Variants in ISOC1 observed in about 807,000 individuals in gnomAD.
The protein encoded by ISOC1 is isochorismatase domain containing 1.
Under a neutral mutation model 30.0 loss-of-function variants are expected in ISOC1, and 33 were observed. The observed-to-expected ratio is 1.10, with a 90% CI of 0.83 to 1.47. ISOC1 has a LOEUF of 1.47. Ranked by LOEUF, ISOC1 falls within the 40% of genes most tolerant of loss-of-function variation. ISOC1 has a pLI of 0.00. For missense variants in ISOC1, 372 were observed against 388.0 expected (o/e 0.96, Z 0.35); for synonymous variants, 178 against 159.8 (o/e 1.11, Z -0.86).
intron 3 of ISOC1, among the ~76,000 whole-genome samples, chr5:129,105,944 AAAC>A (rs1054564045): frequency 1.3e-5 from 2 of 152,208 alleles, no homozygotes; most frequent in African/African-American, 4.8e-5. Context: ...AATTAAGAAA[AAAC>A]CACTAAAACA....
intron 4 of ISOC1, among the ~76,000 whole-genome samples, chr5:129,109,407 A>G (rs186364805): frequency 3.7e-4 from 57 of 152,362 alleles, no homozygotes; most frequent in Admixed American, 2.5e-3. Flanking sequence ...AGTGCATGAC[A>G]TAGTAAATAC....
At position 129,112,920 on chromosome 5, in the gene ISOC1, T is replaced by TA. The variant is rs779589253; in HGVS notation, c.818dup (p.Asp274GlyfsTer13). ...CTGTTCTGCTTCAGCTGGTAGCTGA[T>TA]AAGGACCATCCAAAATTCAAGGAAA... On this transcript the variant is annotated frameshift_variant, in exon 5 of 5. Coordinates refer to ENST00000173527, the MANE Select transcript of ISOC1 (RefSeq NM_016048.2). LOFTEE classifies it high-confidence loss of function. The TA allele has an allele frequency of 6.2e-7, 1 of 1,613,820 alleles. No individual in the cohort carries two copies. Among genetic ancestry groups the TA allele is most frequent in the Non-Finnish European group, 8.5e-7 (1 of 1,179,766 alleles).
At chr5:129,109,040 A>G (rs1753671668) in intron 4 of ISOC1, among the ~76,000 whole-genome samples, 1 of 152,204 alleles carries the variant, frequency 6.6e-6, no homozygotes, top group South Asian at 2.1e-4. Context: ...GACTTTTTTC[A>G]AGGACTTTTC....
Position 129,112,816 on chromosome 5 carries a change from A to G in ISOC1, c.751-39A>G, listed in dbSNP as rs763276825. On this transcript the variant is annotated intron_variant, in intron 4 of 4. Coordinates refer to ENST00000173527, the MANE Select transcript of ISOC1 (RefSeq NM_016048.2). ...CTCTTCTGAAATAGTGTTCATTCTC[A>G]TGCTTATTTCTTGATTTGCCTTTAT... 5.4e-5 allele frequency: 87 copies of G among 1,602,332 alleles called. No homozygotes were observed. The African/African-American group carries it at 1.0e-3, about 19-fold the overall frequency.
intron 4 of ISOC1, among the ~76,000 whole-genome samples, chr5:129,112,447 TG>T (rs1753719477): frequency 6.6e-6 from 1 of 152,148 alleles, no homozygotes; most frequent in Non-Finnish European, 1.5e-5. Flanking sequence ...GAGTAAGACA[TG>T]AAGCACAAAC....
intron 1 of ISOC1, among the ~76,000 whole-genome samples, chr5:129,101,485 ACT>A (rs1753571625): frequency 6.6e-6 from 1 of 151,838 alleles, no homozygotes; most frequent in Admixed American, 6.6e-5. Flanking sequence ...ACAGAGTGAG[ACT>A]CTGTCTCAAA....
At position 129,094,927 on chromosome 5, in the gene ISOC1, T is replaced by G. The variant is rs749862424; in HGVS notation, c.161T>G (p.Phe54Cys). ...GAGYELLIQK[F>C]LSLYGDQIDM... is the part of the protein sequence containing the mutation. ...GGCTACGAGCTGCTCATCCAGAAGT[T>G]CCTCAGCCTGTACGGCGACCAGATC... Residue 54 changes from phenylalanine (F) to cysteine (C), a missense_variant, in exon 1 of 5, where the codon TTC becomes TGC. Physicochemically the swap from Phe to Cys is radical, Grantham distance 205. Transcript: ENST00000173527. The G allele has an allele frequency of 1.2e-6, 2 of 1,612,390 alleles. No homozygotes were observed. Among genetic ancestry groups the G allele is most frequent in the Non-Finnish European group, 1.7e-6 (2 of 1,179,822 alleles).
intron 1 of ISOC1, among the ~76,000 whole-genome samples, 171 bp from the exon 2 acceptor site, chr5:129,104,785 T>C (rs1165334980): frequency 1.3e-5 from 2 of 150,576 alleles, no homozygotes; most frequent in African/African-American, 5.0e-5. Flanking sequence ...GAGAACATCT[T>C]TTTGAGTTTT....
intron 4 of ISOC1, among the ~76,000 whole-genome samples, chr5:129,109,400 G>A (rs555344046): frequency 4.7e-4 from 72 of 152,344 alleles, no homozygotes; most frequent in African/African-American, 1.7e-3. Flanking sequence ...TTAGGACAGT[G>A]CATGACATAG....
chr5:129,105,613 C>T (rs1173534629), intron 3 of ISOC1, among the ~76,000 whole-genome samples: 1 of 151,996 alleles, frequency 6.6e-6, no homozygotes, highest in African/African-American at 2.4e-5. Flanking sequence ...AGTAGTCTCC[C>T]CATATTAAAG....
chr5:129,107,080 G>C lies in ISOC1; in HGVS notation c.750+18G>C. ...CCCTCGAGGTAATTGTCCTGCTTGG[G>C]AATAGATCATTTGTCAAGTTTTCCA... is the stretch of plus-strand genomic sequence containing the variant. On this transcript the variant is annotated intron_variant, in intron 4 of 4. Coordinates refer to ENST00000173527, the MANE Select transcript of ISOC1 (RefSeq NM_016048.2). The C allele has an allele frequency of 6.4e-7, 1 of 1,570,784 alleles. No individual in the cohort carries two copies. Among genetic ancestry groups the C allele is most frequent in the South Asian group, 1.1e-5 (1 of 90,090 alleles).
At chr5:129,110,853 A>G (rs1753697952) in intron 4 of ISOC1, among the ~76,000 whole-genome samples, 1 of 152,210 alleles carries the variant, frequency 6.6e-6, no homozygotes, top group South Asian at 2.1e-4. Context: ...TGGAGTATAC[A>G]GTGTAAAGCA....
At chr5:129,098,001 A>C (rs1329498403) in intron 1 of ISOC1, among the ~76,000 whole-genome samples, 1 of 152,158 alleles carries the variant, frequency 6.6e-6, no homozygotes, top group Non-Finnish European at 1.5e-5. Context: ...GTTTGGCCAC[A>C]TGTAGTTCAT....
chr5:129,105,416 A>G (rs1374661240), intron 3 of ISOC1, 28 bp downstream of exon 3: 2 of 1,558,402 alleles, frequency 1.3e-6, no homozygotes, highest in South Asian at 1.1e-5. Context: ...TCATTTAGGC[A>G]CAATATTATT....
chr5:129,109,807 C>T (rs1359405064), intron 4 of ISOC1, among the ~76,000 whole-genome samples: 1 of 152,122 alleles, frequency 6.6e-6, no homozygotes, highest in Non-Finnish European at 1.5e-5. Context: ...AGTTAAAATA[C>T]CATTGTGGTC....
In ISOC1 at chr5:129,106,945, G is replaced by A. The variant is rs1385097055; in HGVS notation, c.634-1G>A. 3.7e-6 allele frequency: 6 copies of A among 1,608,802 alleles called. No individual in the cohort carries two copies. The African/African-American group carries it at 8.0e-5, about 22-fold the overall frequency. On this transcript the variant is annotated splice_acceptor_variant, in intron 3 of 4. Transcript: ENST00000173527. LOFTEE classifies it high-confidence loss of function. Reference sequence around the variant, plus strand: ...ATATGATTCTTGTACTTTCCTACTAGACTCATGTGTGCATCCAACAAACTG... The same window carrying A: ...ATATGATTCTTGTACTTTCCTACTAAACTCATGTGTGCATCCAACAAACTG...
intron 4 of ISOC1, 104 bp from the exon 5 acceptor site, chr5:129,112,751 C>A: frequency 7.8e-7 from 1 of 1,274,764 alleles, no homozygotes; most frequent in Non-Finnish European, 1.1e-6. Context: ...ACCACGGTTT[C>A]AGTAGAGGAC....
At chr5:129,095,661 A>G (rs753530322) in intron 1 of ISOC1, among the ~76,000 whole-genome samples, 42 of 152,172 alleles carry the variant, frequency 2.8e-4, no homozygotes, top group Non-Finnish European at 3.2e-4. Context: ...TAAAGTGTCT[A>G]CTGACTTGAT....
chr5:129,101,509 T>C (rs1051819376), intron 1 of ISOC1, among the ~76,000 whole-genome samples: 47 of 152,092 alleles, frequency 3.1e-4, no homozygotes, highest in Admixed American at 1.8e-3. Flanking sequence ...AAATATGTTT[T>C]GTAGAGACAA....
Sources: gnomAD v4.1 joint callset for allele counts (sites outside exome capture counted in the v4.1 genomes callset) on GRCh38, gnomAD v4.1.1 for gene constraint, MANE v1.5 for transcripts, NCBI Gene and HGNC (gene_info 2026-07-23, HGNC 2026-07-21) for gene names.